Variants in HGF observed in about 807,000 individuals in gnomAD.
HGF encodes hepatocyte growth factor.
Under a neutral mutation model 111.6 loss-of-function variants are expected in HGF, and 39 were observed. The ratio of observed to expected loss-of-function variants is 0.35; its 90% CI spans 0.27 to 0.46. HGF has a LOEUF of 0.46. Among genes scored for constraint, HGF ranks in the 20% least tolerant of loss-of-function variants. The probability of loss-of-function intolerance (pLI) is 1.00; values close to 1 mark genes in which losing one functional copy is unlikely to be tolerated. For missense variants in HGF, 735 were observed against 910.5 expected, an observed-to-expected ratio of 0.81 and a Z score of 2.48; for synonymous variants, 285 against 294.8, an observed-to-expected ratio of 0.97 and a Z score of 0.34.
At chr7:81,710,365 C>G (rs1224751186) in intron 12 of HGF, 122 bp from the exon 13 acceptor site, 6 of 736,738 alleles carry the variant, frequency 8.1e-6, no homozygotes, top group South Asian at 3.0e-5. Context: ...GTCCAAAGAA[C>G]AGTTTGGTGA....
At chr7:81,762,125 A>C (rs1032736727) in intron 2 of HGF, among the ~76,000 whole-genome samples, 1 of 152,192 alleles carries the variant, frequency 6.6e-6, no homozygotes, top group African/African-American at 2.4e-5. Flanking sequence ...GTCAAAAGAC[A>C]TGAAACTCTC....
intron 11 of HGF, 132 bp from the exon 12 acceptor site, chr7:81,711,651 T>G: frequency 2.0e-6 from 1 of 498,706 alleles, no homozygotes; most frequent in East Asian, 3.4e-5. Flanking sequence ...GTTGTTGTTT[T>G]GTTTTGTTTT....
chr7:81,762,642 C>G, intron 2 of HGF, 65 bp downstream of exon 2: 1 of 1,161,860 alleles, frequency 8.6e-7, no homozygotes, highest in Non-Finnish European at 1.3e-6. Context: ...ACAAAAGACA[C>G]ATGATTATAA....
intron 7 of HGF, among the ~76,000 whole-genome samples, chr7:81,734,353 A>G (rs1787757643): frequency 6.6e-6 from 1 of 152,166 alleles, no homozygotes; most frequent in Admixed American, 6.6e-5. Context: ...TGATTGACAC[A>G]AAATTTTCTG....
intron 9 of HGF, among the ~76,000 whole-genome samples, chr7:81,724,105 A>G (rs1290840540): frequency 6.6e-6 from 1 of 152,222 alleles, no homozygotes; most frequent in African/African-American, 2.4e-5. Flanking sequence ...CCAAAGGTTT[A>G]TCAAATAATT....
At chr7:81,753,763 A>G (rs901786012) in intron 4 of HGF, among the ~76,000 whole-genome samples, 3 of 152,012 alleles carry the variant, frequency 2.0e-5, no homozygotes, top group Non-Finnish European at 4.4e-5. Context: ...GTAATAGTTA[A>G]TATCCATACT....
chr7:81,744,307 T>A (rs1788135462), intron 6 of HGF, among the ~76,000 whole-genome samples: 1 of 10,732 alleles, frequency 9.3e-5, no homozygotes, highest in Admixed American at 1.7e-3. Context: ...GACATGATTT[T>A]TTTTTTTTTT....
chr7:81,707,629 A>G (rs1237318162), intron 13 of HGF, among the ~76,000 whole-genome samples: 1 of 152,160 alleles, frequency 6.6e-6, no homozygotes, highest in Non-Finnish European at 1.5e-5. Flanking sequence ...TTACACATCA[A>G]TAGCCATCCC....
Position 81,707,300 on chromosome 7 carries a change from AAC to A in HGF, c.1604_1605del (p.Cys535PhefsTer10). ...KESWVLTARQ[C>X]FPSRDLKDYE... ...TTAAAAACACTTTACCGAGAAGGGA[AAC>A]ACTGTCGTGCAGTAAGAACCCAACT... On this transcript the variant is annotated frameshift_variant, in exon 14 of 18. Transcript: ENST00000222390. LOFTEE classifies it high-confidence loss of function. 6.3e-7 allele frequency: 1 copy of A among 1,580,748 alleles called. No individual in the cohort carries two copies. The highest frequency in any genetic ancestry group is 8.7e-7 in the Non-Finnish European group (1 of 1,150,100).
intron 3 of HGF, among the ~76,000 whole-genome samples, chr7:81,757,617 A>G (rs1473530194): frequency 2.6e-5 from 4 of 152,188 alleles, no homozygotes; most frequent in African/African-American, 9.6e-5. Context: ...TATATAGACC[A>G]TTTTAAGAAA....
At chr7:81,706,963 T>C (rs1248820610) in intron 14 of HGF, among the ~76,000 whole-genome samples, 5 of 149,868 alleles carry the variant, frequency 3.3e-5, no homozygotes, top group South Asian at 2.1e-4. Flanking sequence ...AAAAAGCCTA[T>C]TGACAATTTA....
chr7:81,748,334 G>A (rs992812694), intron 5 of HGF, among the ~76,000 whole-genome samples: 3 of 152,158 alleles, frequency 2.0e-5, no homozygotes, highest in Non-Finnish European at 2.9e-5. Flanking sequence ...TGCAGGGAAA[G>A]TGCATGGGAA....
At chr7:81,707,822 C>T (rs1007930224) in intron 13 of HGF, among the ~76,000 whole-genome samples, 1 of 152,038 alleles carries the variant, frequency 6.6e-6, no homozygotes, top group African/African-American at 2.4e-5. Context: ...CAATTTTATT[C>T]GTGCACTATT....
intron 1 of HGF, among the ~76,000 whole-genome samples, chr7:81,767,430 T>C (rs1442687773): frequency 1.3e-5 from 2 of 152,212 alleles, no homozygotes; most frequent in African/African-American, 2.4e-5. Context: ...CCAATCTTAT[T>C]AGAATTAAGT....
At chr7:81,720,688 TAC>T (rs1304103221) in intron 10 of HGF, 55 bp downstream of exon 10, 1 of 936,096 alleles carries the variant, frequency 1.1e-6, no homozygotes, top group African/African-American at 1.6e-5. Flanking sequence ...CATATCTAAA[TAC>T]ACAGTCTGTT....
intron 6 of HGF, among the ~76,000 whole-genome samples, chr7:81,744,303 ATT>A (rs199738928): frequency 0.04 from 5,904 of 146,454 alleles, 255 homozygotes; most frequent in African/African-American, 0.1. Context: ...AGTAGACATG[ATT>A]TTTTTTTTTT....
At chr7:81,713,574 G>A (rs969171479) in intron 11 of HGF, among the ~76,000 whole-genome samples, 2 of 151,524 alleles carry the variant, frequency 1.3e-5, no homozygotes, top group Non-Finnish European at 2.9e-5. Context: ...TATACATTTT[G>A]GGTTTTAATA....
At chr7:81,722,072 G>A (rs931240270) in intron 9 of HGF, among the ~76,000 whole-genome samples, 1 of 152,110 alleles carries the variant, frequency 6.6e-6, no homozygotes, top group African/African-American at 2.4e-5. Flanking sequence ...AGCACTAGCT[G>A]TAGAAATAGT....
chr7:81,738,377 C>T (rs1010010536), intron 7 of HGF, among the ~76,000 whole-genome samples: 1 of 152,120 alleles, frequency 6.6e-6, no homozygotes, highest in African/African-American at 2.4e-5. Context: ...AAGCACTATG[C>T]AGGACTTCCA....
Sources: allele counts gnomAD v4.1 joint callset (sites outside exome capture counted in the v4.1 genomes callset), GRCh38; gene constraint gnomAD v4.1.1; transcripts MANE v1.5; gene names NCBI Gene and HGNC (gene_info 2026-07-23, HGNC 2026-07-21).